The following NELL2 variants were observed in gnomAD, a reference collection of about 807,000 sequenced individuals.
NELL2 encodes the protein neural EGFL like 2.
Under a neutral mutation model 109.6 loss-of-function variants are expected in NELL2, and 41 were observed. The observed-to-expected ratio is 0.37, with a 90% CI of 0.29 to 0.49. The LOEUF is 0.49. NELL2 is among the 20% of genes least tolerant of loss of function. The pLI is 0.98. For synonymous variants in NELL2, 355 were observed against 344.7 expected (o/e 1.03, Z -0.33); for missense variants, 900 against 1,008.3 (o/e 0.89, Z 1.45).
chr12:44,614,368 A>T (rs1363086984), intron 13 of NELL2, among the ~76,000 whole-genome samples: 1 of 152,086 alleles, frequency 6.6e-6, no homozygotes, highest in Non-Finnish European at 1.5e-5. Context: ...ACAATACTAA[A>T]AAGTAATTTG....
intron 12 of NELL2, among the ~76,000 whole-genome samples, chr12:44,676,212 G>T (rs1948311886): frequency 6.6e-6 from 1 of 152,106 alleles, no homozygotes; most frequent in Non-Finnish European, 1.5e-5. Flanking sequence ...GGCTGGCAAA[G>T]TTGGCAAAGA....
chr12:44,518,246 T>C (rs1418888462), intron 19 of NELL2, among the ~76,000 whole-genome samples: 3 of 142,724 alleles, frequency 2.1e-5, no homozygotes, highest in Admixed American at 7.0e-5. Flanking sequence ...ATTCAAATAC[T>C]TTTTTTTTTT....
intron 12 of NELL2, among the ~76,000 whole-genome samples, chr12:44,692,385 A>G (rs1286932139): frequency 6.6e-6 from 1 of 152,184 alleles, no homozygotes; most frequent in Non-Finnish European, 1.5e-5. Context: ...CCCATTGACA[A>G]TGTACTTAGT....
At chr12:44,538,666 C>T (rs891533026) in intron 15 of NELL2, among the ~76,000 whole-genome samples, 2 of 151,960 alleles carry the variant, frequency 1.3e-5, no homozygotes, top group Non-Finnish European at 2.9e-5. Context: ...TATGAGACTA[C>T]GTTTTATAAA....
chr12:44,859,898 T>C (rs908433236), intron 2 of NELL2, among the ~76,000 whole-genome samples: 1 of 152,164 alleles, frequency 6.6e-6, no homozygotes, highest in African/African-American at 2.4e-5. Flanking sequence ...CAGAGGGGTC[T>C]TCTAGTTATG....
intron 12 of NELL2, among the ~76,000 whole-genome samples, chr12:44,680,465 C>G (rs1057375875): frequency 6.6e-6 from 1 of 152,054 alleles, no homozygotes; most frequent in Non-Finnish European, 1.5e-5. Context: ...AGAAAAATTA[C>G]TTGGAGGAAA....
At chr12:44,905,090 C>T (rs74238389) in intron 1 of NELL2, among the ~76,000 whole-genome samples, 1,870 of 152,074 alleles carry the variant, frequency 0.012, 32 homozygotes, top group East Asian at 0.048. Flanking sequence ...TTCTTTTACA[C>T]GGATTATCTT....
chr12:44,674,618 A>G (rs1200969474), intron 12 of NELL2, among the ~76,000 whole-genome samples: 1 of 152,198 alleles, frequency 6.6e-6, no homozygotes, highest in Non-Finnish European at 1.5e-5. Flanking sequence ...TGACCAACAA[A>G]TACGAGGACA....
intron 13 of NELL2, among the ~76,000 whole-genome samples, chr12:44,625,967 G>GGA (rs1364074502): frequency 7.3e-6 from 1 of 137,470 alleles, no homozygotes; most frequent in African/African-American, 3.1e-5. Flanking sequence ...AAAGGTAATT[G>GGA]GAAAAAAAAA....
At chr12:44,691,886 G>A (rs150143661) in intron 12 of NELL2, among the ~76,000 whole-genome samples, 37 of 152,154 alleles carry the variant, frequency 2.4e-4, no homozygotes, top group East Asian at 1.9e-3. Flanking sequence ...AGCAGAAGTT[G>A]GCTCATTATG....
upstream of NELL2, among the ~76,000 whole-genome samples, chr12:44,879,984 T>C (rs896728674): frequency 5.3e-5 from 8 of 152,034 alleles, no homozygotes; most frequent in Non-Finnish European, 1.2e-4. Flanking sequence ...ATAAGACTTC[T>C]TTTAAGTGAC....
chr12:44,883,966 A>G (rs1945443355), intron 1 of NELL2, among the ~76,000 whole-genome samples: 1 of 151,990 alleles, frequency 6.6e-6, no homozygotes, highest in African/African-American at 2.4e-5. Flanking sequence ...CCAAAATCCA[A>G]ACGAGTCAAT....
intron 2 of NELL2, among the ~76,000 whole-genome samples, chr12:44,854,904 T>C (rs1313573687): frequency 6.6e-6 from 1 of 152,190 alleles, no homozygotes; most frequent in African/African-American, 2.4e-5. Context: ...TACACCAGTG[T>C]TGTCCAATAG....
At chr12:44,730,826 A>G (rs1939329831) in intron 9 of NELL2, among the ~76,000 whole-genome samples, 2 of 152,050 alleles carry the variant, frequency 1.3e-5, no homozygotes, top group Non-Finnish European at 2.9e-5. Flanking sequence ...AATAAAACCT[A>G]CTAACATAAG....
intron 13 of NELL2, among the ~76,000 whole-genome samples, chr12:44,648,727 ATATATTTTT>A (rs1280259921): frequency 2.0e-5 from 2 of 101,834 alleles, no homozygotes; most frequent in Non-Finnish European, 3.5e-5. Flanking sequence ...ATATATATAT[ATATATTTTT>A]TTTTTTTTTT....
At chr12:44,616,365 C>T (rs548302513) in intron 13 of NELL2, among the ~76,000 whole-genome samples, 8 of 152,280 alleles carry the variant, frequency 5.3e-5, no homozygotes, top group Admixed American at 5.2e-4. Context: ...AAGAAAGCTG[C>T]TTCACTTTCC....
At chr12:44,693,316 T>C (rs1356626666) in intron 12 of NELL2, among the ~76,000 whole-genome samples, 2 of 152,318 alleles carry the variant, frequency 1.3e-5, no homozygotes, top group Middle Eastern at 3.4e-3. Flanking sequence ...CATAATGACA[T>C]TGCACACTTA....
At chr12:44,876,822 C>T (rs28364703), upstream of NELL2, 1,800 of 1,331,178 alleles carry the variant, frequency 1.4e-3, 71 homozygotes, top group East Asian at 0.05. Flanking sequence ...GCTGCACTGC[C>T]GAGGTGGAGC....
chr12:44,542,189 T>C (rs936340875), intron 15 of NELL2, among the ~76,000 whole-genome samples: 6 of 152,122 alleles, frequency 3.9e-5, no homozygotes, highest in Admixed American at 2.0e-4. Context: ...AACCTATCAG[T>C]AGTTCATCAC....
Sources: gnomAD v4.1 joint callset for allele counts (sites outside exome capture counted in the v4.1 genomes callset) on GRCh38, gnomAD v4.1.1 for gene constraint, MANE v1.5 for transcripts, NCBI Gene and HGNC (gene_info 2026-07-23, HGNC 2026-07-21) for gene names.